Variants in NAV2 observed in about 807,000 individuals in gnomAD.
NAV2 encodes the protein helicase, APC down-regulated 1.
In NAV2, 54 loss-of-function variants were observed where a neutral mutation model predicts 223.2. That is an observed-to-expected ratio of 0.24 (90% confidence interval 0.19 to 0.30). The LOEUF is 0.30. NAV2 is among the 10% of genes least tolerant of loss of function. NAV2 has a pLI of 1.00. For missense variants in NAV2, 2,806 were observed against 3,147.5 expected (o/e 0.89, Z 2.60); for synonymous variants, 1,279 against 1,239.3 (o/e 1.03, Z -0.67).
intron 1 of NAV2, among the ~76,000 whole-genome samples, chr11:19,675,694 G>A (rs1427599828): frequency 1.3e-5 from 2 of 152,136 alleles, no homozygotes; most frequent in East Asian, 3.9e-4. Flanking sequence ...TGTGAGCTGT[G>A]GAGTGTACCA....
At chr11:19,970,434 G>T (rs2049135737) in intron 10 of NAV2, among the ~76,000 whole-genome samples, 1 of 152,184 alleles carries the variant, frequency 6.6e-6, no homozygotes, top group African/African-American at 2.4e-5. Context: ...CTCCCAAAGT[G>T]CTGAGATTAC....
intron 29 of NAV2, among the ~76,000 whole-genome samples, chr11:20,093,903 A>G (rs1744166482): frequency 6.6e-6 from 1 of 152,198 alleles, no homozygotes; most frequent in African/African-American, 2.4e-5. Flanking sequence ...GAATAAATGT[A>G]AAAAGGCCTC....
intron 1 of NAV2, among the ~76,000 whole-genome samples, chr11:19,466,781 C>T (rs1050891378): frequency 3.9e-5 from 6 of 152,158 alleles, no homozygotes; most frequent in African/African-American, 1.4e-4. Flanking sequence ...TCCCTGTCCC[C>T]TGCTTCAGTT....
chr11:20,068,383 C>A lies in NAV2; in HGVS notation c.4968C>A (p.Thr1656=), dbSNP rs752685815. ...AGGAGAAAGTTTCAGCTTTGACCAC[C>A]CAGCTGACAGCAAATGTAAGTACAG... The part of the protein sequence containing the change: ...ASQEKVSALT[T]QLTANAHLVA... Residue 1656 remains threonine, a synonymous_variant, in exon 22 of 38, where the codon ACC becomes ACA. Coordinates refer to ENST00000349880, the MANE Select transcript of NAV2 (RefSeq NM_145117.5). 1.2e-6 allele frequency: 2 copies of A among 1,613,806 alleles called. No homozygotes were observed. Among genetic ancestry groups the A allele is most frequent in the Non-Finnish European group, 1.7e-6 (2 of 1,179,686 alleles).
At chr11:19,502,056 G>A (rs2729869) in intron 1 of NAV2, among the ~76,000 whole-genome samples, 2,327 of 152,230 alleles carry the variant, frequency 0.015, 51 homozygotes, top group African/African-American at 0.054. Flanking sequence ...GCCATACGAG[G>A]CACTGAGCCA....
rs2044105841 is a variant in NAV2, at chr11:19,533,873, A to AT, written c.75+182852dup. Among the ~76,000 whole-genome samples, 5 of 144,166 alleles carry AT rather than the reference A, an allele frequency of 3.5e-5. No homozygotes were observed. The South Asian group carries it at 8.4e-4, about 24-fold the overall frequency. The allele number at this position is 144,166 out of a possible 152,430, so 94.6% of individuals were successfully genotyped here. ...AGGCGCCCGCCACTACGCCCGGCTA[A>AT]TTTTTTGTATTTTTAGTAGAGACGG... is the stretch of plus-strand genomic sequence containing the variant. On this transcript the variant is annotated intron_variant, in intron 1 of 37. Coordinates refer to the NAV2 transcript ENST00000360655.
At chr11:19,901,065 C>T (rs1227057555) in intron 6 of NAV2, among the ~76,000 whole-genome samples, 1 of 152,216 alleles carries the variant, frequency 6.6e-6, no homozygotes, top group African/African-American at 2.4e-5. Context: ...AGGTGTGATT[C>T]ATGAGCCATC....
chr11:19,590,730 A>C (rs2046037089), intron 1 of NAV2, among the ~76,000 whole-genome samples: 1 of 152,212 alleles, frequency 6.6e-6, no homozygotes, highest in Non-Finnish European at 1.5e-5. Flanking sequence ...AAGCTCACAA[A>C]CAACCAAATA....
intron 1 of NAV2, among the ~76,000 whole-genome samples, chr11:19,633,979 A>G (rs1194748393): frequency 1.3e-5 from 2 of 152,220 alleles, no homozygotes; most frequent in Non-Finnish European, 2.9e-5. Context: ...AATAAATTTA[A>G]ACAGCCTAGC....
intron 1 of NAV2, among the ~76,000 whole-genome samples, chr11:19,748,892 A>G (rs2152491010): frequency 6.6e-6 from 1 of 152,354 alleles, no homozygotes; most frequent in South Asian, 2.1e-4. Context: ...ATGATTAAAG[A>G]TATTGACAGG....
At chr11:20,050,824 C>G (rs762547445) in intron 16 of NAV2, among the ~76,000 whole-genome samples, 1 of 152,198 alleles carries the variant, frequency 6.6e-6, no homozygotes, top group East Asian at 1.9e-4. Flanking sequence ...CTCTTGAAAC[C>G]TCCAACAAGT....
At chr11:19,563,648 T>C (rs1003999900) in intron 1 of NAV2, among the ~76,000 whole-genome samples, 6 of 152,192 alleles carry the variant, frequency 3.9e-5, no homozygotes, top group African/African-American at 1.4e-4. Flanking sequence ...GAATCCCGGG[T>C]CTATGGGGCA....
intron 3 of NAV2, 126 bp from the exon 4 acceptor site, chr11:19,868,799 G>T (rs1413193662): frequency 2.5e-6 from 2 of 789,112 alleles, no homozygotes; most frequent in Non-Finnish European, 4.1e-6. Flanking sequence ...AAAAGAGAGT[G>T]TCCTATCTTG....
intron 10 of NAV2, among the ~76,000 whole-genome samples, chr11:19,956,407 CTCTCTCTA>C (rs1461210469): frequency 6.6e-6 from 1 of 151,772 alleles, no homozygotes; most frequent in Admixed American, 6.6e-5. Flanking sequence ...CTCTCTCTCT[CTCTCTCTA>C]TCTCTCCAGA....
At chr11:19,426,785 T>C (rs1420919988) in intron 1 of NAV2, among the ~76,000 whole-genome samples, 1 of 152,094 alleles carries the variant, frequency 6.6e-6, no homozygotes, top group Non-Finnish European at 1.5e-5. Flanking sequence ...TATGTCTCTC[T>C]TGAGGACCTA....
chr11:19,792,270 T>C (rs1002289282), intron 1 of NAV2, among the ~76,000 whole-genome samples: 1 of 152,208 alleles, frequency 6.6e-6, no homozygotes, highest in Admixed American at 6.5e-5. Context: ...TGCCTCTCCC[T>C]TCTCCCATAA....
intron 1 of NAV2, among the ~76,000 whole-genome samples, chr11:19,694,348 A>G (rs772056934): frequency 6.6e-5 from 10 of 152,178 alleles, no homozygotes; most frequent in Admixed American, 3.9e-4. Context: ...CTCAGACACA[A>G]CCAGCTCTCT....
chr11:20,018,620 C>G (rs1047290667), intron 11 of NAV2, among the ~76,000 whole-genome samples: 1 of 152,160 alleles, frequency 6.6e-6, no homozygotes, highest in Non-Finnish European at 1.5e-5. Flanking sequence ...CCATTTTGTC[C>G]TCCTATGCTT....
At chr11:19,630,067 A>G (rs1407714021) in intron 1 of NAV2, among the ~76,000 whole-genome samples, 1 of 152,066 alleles carries the variant, frequency 6.6e-6, no homozygotes, top group Non-Finnish European at 1.5e-5. Flanking sequence ...TGTTCCCCCA[A>G]CTCTGTGGTG....
Sources: gnomAD v4.1 joint callset for allele counts (sites outside exome capture counted in the v4.1 genomes callset) on GRCh38, gnomAD v4.1.1 for gene constraint, MANE v1.5 for transcripts, NCBI Gene and HGNC (gene_info 2026-07-23, HGNC 2026-07-21) for gene names.